PPP2R2D: variants seen among roughly 807,000 people sequenced by gnomAD.
The protein encoded by PPP2R2D is serine/threonine-protein phosphatase 2A 55 kDa regulatory subunit B delta isoform.
In PPP2R2D, 9 loss-of-function variants were observed where a neutral mutation model predicts 31.1. That is an observed-to-expected ratio of 0.29 (90% CI 0.17 to 0.51). The LOEUF is 0.51. Among genes scored for constraint, PPP2R2D ranks in the 20% least tolerant of loss-of-function variants. The probability of loss-of-function intolerance (pLI) is 0.98; values close to 1 mark genes in which losing one functional copy is unlikely to be tolerated. For synonymous variants in PPP2R2D, 179 were observed against 172.6 expected (o/e 1.04, Z -0.29); for missense variants, 391 against 465.6 (o/e 0.84, Z 1.48).
At chr10:131,908,719 A>C (rs1197887533) in intron 2 of PPP2R2D, among the ~76,000 whole-genome samples, 1 of 152,192 alleles carries the variant, frequency 6.6e-6, no homozygotes, top group Admixed American at 6.5e-5. Context: ...ATTCCAGAAA[A>C]TGTATGGAAA....
At chr10:131,968,313 T>A in the PPP2R2D span, 1 of 451,480 alleles carries the variant, frequency 2.2e-6, no homozygotes, top group Non-Finnish European at 4.0e-6. Context: ...CATTAATCAG[T>A]CTGACATGCT....
intron 2 of PPP2R2D, among the ~76,000 whole-genome samples, chr10:131,927,201 A>C (rs1463650262): frequency 1.3e-5 from 2 of 151,594 alleles, no homozygotes; most frequent in Non-Finnish European, 2.9e-5. Flanking sequence ...GTTTGAGGGG[A>C]GAGGAGAGGT....
Position 131,913,178 on chromosome 10 carries a change from C to T in PPP2R2D, c.100+11848C>T, listed in dbSNP as rs1029949379. The stretch of plus-strand genomic sequence containing the variant: ...GTGATTACAGGGATGCCACCATGCC[C>T]GGCTAATTTTTTTTTTTTTTTTTTG... On this transcript the variant is annotated intron_variant, in intron 2 of 8. Coordinates refer to ENST00000455566, the MANE Select transcript of PPP2R2D (RefSeq NM_018461.5). Among the ~76,000 whole-genome samples the T allele has an allele frequency of 3.5e-3, 501 of 143,134 alleles. 5 individuals carry two copies. The highest frequency in any genetic ancestry group is 0.012 in the African/African-American group (459 of 38,510). 93.9% of individuals were successfully genotyped at this position (143,134 alleles called of 152,430 possible). A position where few individuals can be genotyped will look rare whatever the true frequency, so the allele number is the denominator to read the frequency against.
chr10:131,944,560 G>A (rs2119890846), intron 6 of PPP2R2D, among the ~76,000 whole-genome samples: 1 of 152,230 alleles, frequency 6.6e-6, no homozygotes, highest in Middle Eastern at 3.4e-3. Flanking sequence ...TTCTTCTGTG[G>A]CTGTGCACAG....
intron 2 of PPP2R2D, among the ~76,000 whole-genome samples, chr10:131,905,787 G>A (rs962228374): frequency 4.6e-5 from 7 of 152,212 alleles, no homozygotes; most frequent in African/African-American, 7.2e-5. Flanking sequence ...GCCGTGGAGC[G>A]CTGTACTGCT....
At chr10:131,916,158 C>T (rs2035775219) in intron 2 of PPP2R2D, among the ~76,000 whole-genome samples, 1 of 152,156 alleles carries the variant, frequency 6.6e-6, no homozygotes, top group Non-Finnish European at 1.5e-5. Context: ...GCCACGCGCC[C>T]TGATAACCTC....
intron 2 of PPP2R2D, among the ~76,000 whole-genome samples, chr10:131,931,850 C>T (rs1320350012): frequency 6.6e-6 from 1 of 152,122 alleles, no homozygotes; most frequent in African/African-American, 2.4e-5. Flanking sequence ...TCGGAGGGCA[C>T]CCCTGGGGAT....
At chr10:131,954,279 A>G (rs554275108) in intron 8 of PPP2R2D, among the ~76,000 whole-genome samples, 1 of 152,394 alleles carries the variant, frequency 6.6e-6, no homozygotes, top group African/African-American at 2.4e-5. Context: ...CAGCAATTCC[A>G]GTCAGTGTCG....
At chr10:131,965,980 A>G in the PPP2R2D span, among the ~76,000 whole-genome samples, 15 of 152,312 alleles carry the variant, frequency 9.8e-5, no homozygotes, top group South Asian at 2.1e-4. Flanking sequence ...GTTGCTTCAT[A>G]TATTTTAATA....
rs782422407 is a variant in PPP2R2D, at chr10:131,955,740, G to A, written c.1139G>A (p.Arg380Gln). Residue 380 changes from arginine to glutamine, a missense_variant, in exon 9 of 9, where the codon CGG becomes CAG. By Grantham distance (43) the Arg-to-Gln change is conservative. Around this residue, in one of 3 missense-constraint regions of PPP2R2D, gnomAD observed 163 missense variants for 179.5 expected, o/e 0.91. Transcript: ENST00000455566. Reference protein sequence around the residue: ...NFFRMFDRDTRRDVTLEASRE... With the variant: ...NFFRMFDRDTQRDVTLEASRE... The stretch of plus-strand genomic sequence containing the variant: ...TTCAGGATGTTTGATAGAGACACGC[G>A]GAGGGATGTGACCCTGGAGGCCTCG... The A allele has an allele frequency of 6.6e-5, 102 of 1,536,254 alleles. No homozygotes were observed. Among genetic ancestry groups the A allele is most frequent in the African/African-American group, 1.9e-4 (14 of 72,370 alleles).
intron 2 of PPP2R2D, among the ~76,000 whole-genome samples, chr10:131,922,454 GTTT>G (rs11298994): frequency 3.7e-5 from 5 of 133,810 alleles, no homozygotes; most frequent in African/African-American, 5.6e-5. Flanking sequence ...TCTGTCAATT[GTTT>G]TTTTTTTTTT....
rs938117837 is a variant in PPP2R2D, at chr10:131,902,286, C to G, written c.100+956C>G. On this transcript the variant is annotated intron_variant, in intron 2 of 8. Transcript: ENST00000455566. ...TCTTAAAAATGATTGGTGTTTGCAC[C>G]AAATACACCTTCCCTGCCTCAAGTT... 5.9e-5 allele frequency among the ~76,000 whole-genome samples: 9 copies of G among 152,196 alleles called. No individual in the cohort carries two copies. The South Asian group carries it at 1.7e-3, about 28-fold the overall frequency.
chr10:131,929,689 T>A (rs1234423640), intron 2 of PPP2R2D, among the ~76,000 whole-genome samples: 2 of 152,118 alleles, frequency 1.3e-5, no homozygotes, highest in African/African-American at 4.8e-5. Context: ...AGCTCCCGGC[T>A]GTGCTCCGTG....
intron 2 of PPP2R2D, among the ~76,000 whole-genome samples, chr10:131,920,732 C>G (rs528608589): frequency 4.6e-5 from 7 of 152,152 alleles, no homozygotes; most frequent in Non-Finnish European, 7.3e-5. Flanking sequence ...GTTGGGAGAT[C>G]AGCGTGGCCA....
downstream of PPP2R2D, among the ~76,000 whole-genome samples, chr10:131,963,568 A>G (rs971442439): frequency 1.3e-5 from 2 of 152,114 alleles, no homozygotes; most frequent in Admixed American, 6.5e-5. Flanking sequence ...GGCTGTCCAC[A>G]CCGTCCGTGG....
At chr10:131,919,150 G>GTCTT (rs2035905574) in intron 2 of PPP2R2D, among the ~76,000 whole-genome samples, 1 of 129,376 alleles carries the variant, frequency 7.7e-6, no homozygotes, top group Non-Finnish European at 1.7e-5. Context: ...GAATGACACA[G>GTCTT]TGTAGGGATC....
chr10:131,922,397 CAATG>C (rs1458979929), intron 2 of PPP2R2D, among the ~76,000 whole-genome samples: 1 of 150,970 alleles, frequency 6.6e-6, no homozygotes, highest in Non-Finnish European at 1.5e-5. Flanking sequence ...AATTGTTCCA[CAATG>C]TATGTATACT....
downstream of PPP2R2D, among the ~76,000 whole-genome samples, chr10:131,960,287 G>A (rs573837190): frequency 6.6e-6 from 1 of 152,366 alleles, no homozygotes; most frequent in South Asian, 2.1e-4. Context: ...ATCAGCTTCT[G>A]AAGGTTAATG....
At chr10:131,942,310 C>G (rs993374514) in intron 5 of PPP2R2D, among the ~76,000 whole-genome samples, 1 of 152,136 alleles carries the variant, frequency 6.6e-6, no homozygotes, top group African/African-American at 2.4e-5. Context: ...GTAGGTTTAG[C>G]CTAAATAAAA....
Sources: allele counts gnomAD v4.1 joint callset (sites outside exome capture counted in the v4.1 genomes callset), GRCh38; gene constraint gnomAD v4.1.1; regional missense constraint gnomAD v4.1.1; transcripts MANE v1.5; gene names NCBI Gene and HGNC (gene_info 2026-07-23, HGNC 2026-07-21).